WWOX: variants seen among roughly 807,000 people sequenced by gnomAD.
WWOX encodes WW domain containing oxidoreductase.
WWOX carries 69 observed loss-of-function variants against 46.2 expected under a neutral mutation model. That is an observed-to-expected ratio of 1.49 (90% CI 1.23 to 1.82). WWOX has a LOEUF of 1.82. WWOX is among the 40% of genes most tolerant of loss of function. The pLI is 0.00. For synonymous variants in WWOX, 359 were observed against 202.6 expected (o/e 1.77, Z -6.56); for missense variants, 919 against 542.6 (o/e 1.69, Z -6.89).
intron 8 of WWOX, among the ~76,000 whole-genome samples, chr16:78,918,976 A>T (rs1348288986): frequency 2.6e-5 from 4 of 152,142 alleles, no homozygotes; most frequent in Non-Finnish European, 4.4e-5. Context: ...CCAGGGCAGA[A>T]AAAAGAACTT....
At position 78,099,794 on chromosome 16, in the gene WWOX, T is replaced by C. The variant is rs1239497096; in HGVS notation, c.16T>C (p.Tyr6His). The C allele has an allele frequency of 1.3e-6, 2 of 1,563,402 alleles. No homozygotes were observed. Among genetic ancestry groups the C allele is most frequent in the Non-Finnish European group, 1.7e-6 (2 of 1,156,296 alleles). The change falls in exon 1 of 9, where the codon TAC (tyrosine) becomes CAC (histidine). Residue 6 changes from tyrosine (Y) to histidine (H), a missense_variant. Transcript: ENST00000566780. ...ACAGTCAGCCATGGCAGCGCTGCGC[T>C]ACGCGGGGCTGGACGACACGGACAG... is the stretch of plus-strand genomic sequence containing the variant. MAALR[Y>H]AGLDDTDSED...
chr16:78,596,837 A>G (rs2045503046), intron 8 of WWOX, among the ~76,000 whole-genome samples: 1 of 152,126 alleles, frequency 6.6e-6, no homozygotes, highest in Non-Finnish European at 1.5e-5. Context: ...CTGTGATCTC[A>G]GCAGTGATGG....
At chr16:78,417,053 T>TGTGTGTGTGTGTG in intron 6 of WWOX, among the ~76,000 whole-genome samples, 3 of 103,206 alleles carry the variant, frequency 2.9e-5, no homozygotes, top group African/African-American at 2.9e-4. Context: ...GTGTGTGTGT[T>TGTGTGTGTGTGTG]TGCTTCTTTA....
At chr16:79,190,678 G>T (rs974703077) in intron 8 of WWOX, among the ~76,000 whole-genome samples, 1 of 152,166 alleles carries the variant, frequency 6.6e-6, no homozygotes, top group Non-Finnish European at 1.5e-5. Flanking sequence ...GGTAGAAGAG[G>T]GCTCTGCCAA....
At chr16:78,167,561 A>T (rs905939257) in intron 5 of WWOX, 2 of 152,206 alleles carry the variant, frequency 1.3e-5, no homozygotes, top group South Asian at 2.1e-4. Context: ...GATGTTTAAA[A>T]TTAGATTTGA....
At chr16:78,379,326 C>T (rs1220866488) in intron 5 of WWOX, among the ~76,000 whole-genome samples, 1 of 152,068 alleles carries the variant, frequency 6.6e-6, no homozygotes, top group Non-Finnish European at 1.5e-5. Flanking sequence ...TAGCTAATTC[C>T]CTGTAAACAG....
Position 78,100,276 on chromosome 16 carries a change from C to T in WWOX, c.107+391C>T, listed in dbSNP as rs976786599. On this transcript the variant is annotated intron_variant, in intron 1 of 8. Coordinates refer to ENST00000566780, the MANE Select transcript of WWOX (RefSeq NM_016373.4). Reference sequence around the variant, plus strand: ...TGTGTTTTGTTTTGTTTTGTCCAGACCGGTATTGCTCAGTCATCCAGGCTG... The same window carrying T: ...TGTGTTTTGTTTTGTTTTGTCCAGATCGGTATTGCTCAGTCATCCAGGCTG... 1.4e-5 allele frequency: 15 copies of T among 1,085,888 alleles called. No homozygotes were observed. The African/African-American group carries it at 2.6e-4, about 19-fold the overall frequency. The allele number at this position is 1,085,888 out of a possible 1,614,324, so 67.3% of individuals were successfully genotyped here.
At chr16:79,188,571 C>T (rs1423866763) in intron 8 of WWOX, among the ~76,000 whole-genome samples, 1 of 152,228 alleles carries the variant, frequency 6.6e-6, no homozygotes, top group Admixed American at 6.5e-5. Flanking sequence ...AATTTCCACA[C>T]TTACGAAGTC....
Position 78,484,097 on chromosome 16 carries a change from A to G in WWOX, c.1056+51345A>G, listed in dbSNP as rs142595248. ...CACTTTATCAATTTTGAAGGAATCA[A>G]AATTAACTTGAATACATTGTCTTTT... On this transcript the variant is annotated intron_variant, in intron 8 of 8. Transcript: ENST00000566780. Among the ~76,000 whole-genome samples the G allele has an allele frequency of 2.0e-3, 302 of 152,342 alleles. 2 individuals carry two copies. Among genetic ancestry groups the G allele is most frequent in the African/African-American group, 6.7e-3 (280 of 41,580 alleles).
At chr16:78,729,568 G>A (rs772711266) in intron 8 of WWOX, among the ~76,000 whole-genome samples, 1 of 152,000 alleles carries the variant, frequency 6.6e-6, no homozygotes, top group Non-Finnish European at 1.5e-5. Flanking sequence ...AGATATGCCT[G>A]GAGCCATCAG....
chr16:78,877,071 A>G (rs2044248477), intron 8 of WWOX, among the ~76,000 whole-genome samples: 1 of 152,174 alleles, frequency 6.6e-6, no homozygotes, highest in African/African-American at 2.4e-5. Context: ...TCTTTTCCTT[A>G]CAAGCCCTGC....
chr16:78,673,578 C>T (rs774374978), intron 8 of WWOX, among the ~76,000 whole-genome samples: 1 of 152,050 alleles, frequency 6.6e-6, no homozygotes, highest in Non-Finnish European at 1.5e-5. Context: ...AGGAGTTAGA[C>T]GTTGGCAGGC....
intron 8 of WWOX, among the ~76,000 whole-genome samples, chr16:78,803,204 T>C (rs1474286374): frequency 6.6e-6 from 1 of 151,984 alleles, no homozygotes; most frequent in African/African-American, 2.4e-5. Context: ...ACATAGGTTC[T>C]TCCTTAAATA....
At chr16:79,098,340 C>T (rs1219287620) in intron 8 of WWOX, among the ~76,000 whole-genome samples, 12 of 152,222 alleles carry the variant, frequency 7.9e-5, no homozygotes, top group African/African-American at 1.7e-4. Flanking sequence ...AACACAGACA[C>T]CTGACTCCCA....
intron 8 of WWOX, among the ~76,000 whole-genome samples, chr16:78,566,479 G>T (rs74749155): frequency 0.011 from 1,644 of 152,286 alleles, 24 homozygotes; most frequent in East Asian, 0.064. Context: ...TCTCCTCCCT[G>T]ATTGTCGCTG....
chr16:78,267,852 T>G (rs1798133540), intron 5 of WWOX, among the ~76,000 whole-genome samples: 1 of 151,984 alleles, frequency 6.6e-6, no homozygotes, highest in Admixed American at 6.5e-5. Flanking sequence ...TGATTCTCCT[T>G]CTTCAGCCTC....
At chr16:78,264,956 C>CT (rs1481623058) in intron 5 of WWOX, 5 of 137,108 alleles carry the variant, frequency 3.6e-5, no homozygotes, top group African/African-American at 1.3e-4. Context: ...CTCCCCTCCC[C>CT]TTCCCTCCCC....
intron 8 of WWOX, among the ~76,000 whole-genome samples, chr16:78,656,137 G>T (rs2047075437): frequency 6.6e-6 from 1 of 152,182 alleles, no homozygotes; most frequent in Non-Finnish European, 1.5e-5. Context: ...ACATGAGGAT[G>T]AAAGTTATGC....
chr16:78,919,851 C>T (rs902565303), intron 8 of WWOX, among the ~76,000 whole-genome samples: 1 of 152,136 alleles, frequency 6.6e-6, no homozygotes, highest in Admixed American at 6.5e-5. Context: ...ATCCTGGAGA[C>T]ACAGTGTGTG....
Sources: allele counts gnomAD v4.1 joint callset (sites outside exome capture counted in the v4.1 genomes callset), GRCh38; gene constraint gnomAD v4.1.1; transcripts MANE v1.5; gene names NCBI Gene and HGNC (gene_info 2026-07-23, HGNC 2026-07-21).